The following EYS variants were observed in gnomAD, a reference collection of about 807,000 sequenced individuals.
The protein encoded by EYS is EGF-like photoreceptor maintenance factor, also known as protein eyes shut homolog.
Under a neutral mutation model 282.1 loss-of-function variants are expected in EYS, and 250 were observed. The observed-to-expected ratio is 0.89, with a 90% CI of 0.80 to 0.98. The LOEUF is 0.98. Among genes scored for constraint, EYS ranks in the 50% least tolerant of loss-of-function variants. The pLI is 0.00. For missense variants in EYS, 4,016 were observed against 3,709.0 expected (o/e 1.08, Z -2.15); for synonymous variants, 1,355 against 1,282.9 (o/e 1.06, Z -1.20).
chr6:64,921,557 C>T (rs1768347591), intron 15 of EYS, among the ~76,000 whole-genome samples: 1 of 152,192 alleles, frequency 6.6e-6, no homozygotes, highest in African/African-American at 2.4e-5. Flanking sequence ...CTTGATGAGA[C>T]TCTTCCTGGT....
intron 12 of EYS, among the ~76,000 whole-genome samples, chr6:65,067,101 TA>T (rs955916988): frequency 3.3e-5 from 5 of 152,018 alleles, no homozygotes; most frequent in Non-Finnish European, 7.4e-5. Flanking sequence ...TGGATCAAAC[TA>T]AAGAAAAGAA....
chr6:64,063,031 A>G (rs1478773083), intron 33 of EYS, among the ~76,000 whole-genome samples: 1 of 151,738 alleles, frequency 6.6e-6, no homozygotes, highest in African/African-American at 2.4e-5. Context: ...ATGACACTCT[A>G]CTCCTTTTTT....
chr6:64,917,124 C>T (rs761802098), intron 15 of EYS, among the ~76,000 whole-genome samples: 5 of 152,126 alleles, frequency 3.3e-5, no homozygotes, highest in Non-Finnish European at 5.9e-5. Context: ...CAGCACGCGC[C>T]TGTAGCCCCA....
At position 64,538,286 on chromosome 6, in the gene EYS, T is replaced by G. The variant is rs140169169; in HGVS notation, c.5644+51937A>C. On this transcript the variant is annotated intron_variant, in intron 26 of 42. Transcript: ENST00000503581. ...TGATTTAGACAAATTAGTTCATAAT[T>G]CATTAGGAGAAAAATATATTGCTTA... Among the ~76,000 whole-genome samples the G allele has an allele frequency of 2.5e-3, 384 of 152,308 alleles. 1 individual carries two copies. Among genetic ancestry groups the G allele is most frequent in the African/African-American group, 8.8e-3 (367 of 41,582 alleles).
At chr6:65,090,785 AGACAAAGTAATT>A (rs1297794372) in intron 12 of EYS, among the ~76,000 whole-genome samples, 1 of 151,564 alleles carries the variant, frequency 6.6e-6, no homozygotes, top group African/African-American at 2.4e-5. Flanking sequence ...ACAAAGTAAT[AGACAAAGTAATT>A]GACAAAGTAA....
chr6:64,731,879 T>G (rs1356028380), intron 22 of EYS, among the ~76,000 whole-genome samples: 1 of 152,192 alleles, frequency 6.6e-6, no homozygotes, highest in Non-Finnish European at 1.5e-5. Flanking sequence ...TATTGCAGCA[T>G]TGTTCACAAT....
chr6:65,603,500 T>A (rs1300612572), intron 2 of EYS, among the ~76,000 whole-genome samples: 1 of 151,958 alleles, frequency 6.6e-6, no homozygotes, highest in Non-Finnish European at 1.5e-5. Flanking sequence ...TATAATTCCA[T>A]CTATTAATAT....
intron 2 of EYS, among the ~76,000 whole-genome samples, chr6:65,605,074 G>T (rs990048963): frequency 6.7e-6 from 1 of 149,858 alleles, no homozygotes; most frequent in Admixed American, 6.7e-5. Context: ...TGAACTCCTG[G>T]ACTCAAGCAA....
chr6:64,102,194 T>A lies in EYS; in HGVS notation c.6425-20192A>T, dbSNP rs574882365. 3.1e-4 allele frequency among the ~76,000 whole-genome samples: 47 copies of A among 152,332 alleles called. No individual in the cohort carries two copies. The East Asian group carries it at 8.5e-3, about 28-fold the overall frequency. Reference sequence around the variant, plus strand: ...GAATGTGTAGCATAATATTCTTCTTTATGTTTTTGAAATAATGACTTTTAA... The same window carrying A: ...GAATGTGTAGCATAATATTCTTCTTAATGTTTTTGAAATAATGACTTTTAA... On this transcript the variant is annotated intron_variant, in intron 31 of 42. Coordinates refer to ENST00000503581, the MANE Select transcript of EYS (RefSeq NM_001142800.2).
At chr6:65,060,128 G>A (rs1402376934) in intron 12 of EYS, among the ~76,000 whole-genome samples, 2 of 151,610 alleles carry the variant, frequency 1.3e-5, no homozygotes, top group Non-Finnish European at 2.9e-5. Context: ...CCCCTCATCC[G>A]TATTTCCCAA....
chr6:65,248,024 A>C (rs987836910), intron 12 of EYS, among the ~76,000 whole-genome samples: 1 of 151,972 alleles, frequency 6.6e-6, no homozygotes, highest in Admixed American at 6.6e-5. Flanking sequence ...TTCCCCTACA[A>C]TTTACTCTAT....
intron 31 of EYS, among the ~76,000 whole-genome samples, chr6:64,199,813 GA>G (rs1227609892): frequency 1.3e-5 from 2 of 152,058 alleles, no homozygotes; most frequent in Non-Finnish European, 2.9e-5. Flanking sequence ...ACAAACATAT[GA>G]AAAAAATGCT....
intron 30 of EYS, among the ~76,000 whole-genome samples, chr6:64,231,643 C>G (rs1237089236): frequency 6.6e-6 from 1 of 152,120 alleles, no homozygotes; most frequent in African/African-American, 2.4e-5. Flanking sequence ...CCTGGCCCAA[C>G]AAGATGAAAC....
chr6:64,591,667 T>C lies in EYS; in HGVS notation c.4200A>G (p.Ser1400=), dbSNP rs1352688696. 8 of 1,551,132 alleles carry C rather than the reference T, an allele frequency of 5.2e-6. No homozygotes were observed. In the Admixed American group the frequency reaches 1.6e-4, roughly 30 times the overall value. The change falls in exon 26 of 43, where the codon TCA becomes TCG. Residue 1400 remains serine, a synonymous_variant. Coordinates refer to ENST00000503581, the MANE Select transcript of EYS (RefSeq NM_001142800.2). ...AAGATTGTGTAGGAAAAATAAAATC[T>C]GACATTAAGGAAGACATGATAAATG... ...RTPFIMSSLM[S]DFIFPTQSLL...
chr6:64,965,247 T>C (rs1257008267), intron 14 of EYS, among the ~76,000 whole-genome samples: 1 of 152,150 alleles, frequency 6.6e-6, no homozygotes, highest in African/African-American at 2.4e-5. Flanking sequence ...GCGAACAGAA[T>C]TGACAAAATA....
chr6:65,630,080 C>T (rs1766859717), intron 2 of EYS, among the ~76,000 whole-genome samples: 2 of 152,194 alleles, frequency 1.3e-5, no homozygotes, highest in Non-Finnish European at 2.9e-5. Context: ...TCAAGGAATA[C>T]ACTTCCAGTG....
At chr6:65,690,207 A>G (rs1490133855) in intron 1 of EYS, among the ~76,000 whole-genome samples, 1 of 150,202 alleles carries the variant, frequency 6.7e-6, no homozygotes, top group Non-Finnish European at 1.5e-5. Flanking sequence ...TTAGCAAGAT[A>G]TTAATCAGCA....
chr6:64,134,798 C>T (rs141310529), intron 31 of EYS, among the ~76,000 whole-genome samples: 2,944 of 151,992 alleles, frequency 0.019, 82 homozygotes, highest in African/African-American at 0.067. Flanking sequence ...AAAGGAAGGA[C>T]AGAGGGAAAA....
At chr6:63,999,949 G>A (rs12205397) in intron 33 of EYS, among the ~76,000 whole-genome samples, 42,564 of 151,854 alleles carry the variant, frequency 0.28, 6,483 homozygotes, top group Middle Eastern at 0.37. Context: ...ACAGTAACTT[G>A]CACTGTTATA....
Sources: gnomAD v4.1 joint callset for allele counts (sites outside exome capture counted in the v4.1 genomes callset) on GRCh38, gnomAD v4.1.1 for gene constraint, MANE v1.5 for transcripts, NCBI Gene and HGNC (gene_info 2026-07-23, HGNC 2026-07-21) for gene names.